The following KALRN variants were observed in gnomAD, a reference collection of about 807,000 sequenced individuals.
KALRN encodes the protein kalirin RhoGEF kinase.
In KALRN, 70 loss-of-function variants were observed where a neutral mutation model predicts 353.7. The observed-to-expected ratio is 0.20, with a 90% CI of 0.16 to 0.24. The LOEUF (loss-of-function observed/expected upper bound fraction) is 0.24, where lower values mean the gene tolerates loss of function less well. Among genes scored for constraint, KALRN ranks in the 10% least tolerant of loss-of-function variants. The probability of loss-of-function intolerance (pLI) is 1.00; values close to 1 mark genes in which losing one functional copy is unlikely to be tolerated. For missense variants in KALRN, 2,791 were observed against 3,756.7 expected (o/e 0.74, Z 6.72); for synonymous variants, 1,391 against 1,434.8 (o/e 0.97, Z 0.69).
chr3:124,584,871 T>A, intron 34 of KALRN: 1 of 1,607,114 alleles, frequency 6.2e-7, no homozygotes, highest in South Asian at 1.1e-5. Flanking sequence ...TTGGGGTGGC[T>A]CTTTGCTAAG....
chr3:124,361,879 G>A (rs1193300612), intron 10 of KALRN, among the ~76,000 whole-genome samples: 1 of 151,948 alleles, frequency 6.6e-6, no homozygotes, highest in African/African-American at 2.4e-5. Flanking sequence ...GCGGTGGTGG[G>A]GAGAGCTTCA....
chr3:124,165,503 C>T (rs2070692635), intron 1 of KALRN, among the ~76,000 whole-genome samples: 1 of 152,182 alleles, frequency 6.6e-6, no homozygotes, highest in Non-Finnish European at 1.5e-5. Context: ...TACCTATCCA[C>T]CTCCATAGCA....
chr3:124,374,633 A>G (rs2149825477), intron 10 of KALRN, among the ~76,000 whole-genome samples: 1 of 152,346 alleles, frequency 6.6e-6, no homozygotes, highest in South Asian at 2.1e-4. Context: ...GGAATGGAAC[A>G]GGAGAGAAAA....
At chr3:124,147,684 C>A (rs2067538005) in intron 1 of KALRN, among the ~76,000 whole-genome samples, 1 of 152,168 alleles carries the variant, frequency 6.6e-6, no homozygotes, top group Non-Finnish European at 1.5e-5. Flanking sequence ...ACTCATCCAT[C>A]CAGTTTTTCT....
intron 6 of KALRN, among the ~76,000 whole-genome samples, chr3:124,323,193 G>T (rs544781017): frequency 6.6e-6 from 1 of 152,174 alleles, no homozygotes; most frequent in Non-Finnish European, 1.5e-5. Context: ...AGGCTTAGAG[G>T]TTGAAGGGGA....
intron 25 of KALRN, among the ~76,000 whole-genome samples, chr3:124,463,770 G>A (rs1326603322): frequency 1.3e-5 from 2 of 152,146 alleles, no homozygotes; most frequent in Admixed American, 1.3e-4. Context: ...ATAAGGGGTG[G>A]AAAGTCACTC....
At chr3:124,617,834 G>A (rs1478549546) in intron 34 of KALRN, among the ~76,000 whole-genome samples, 3 of 152,154 alleles carry the variant, frequency 2.0e-5, no homozygotes, top group Admixed American at 1.3e-4. Context: ...CAGAGAACAG[G>A]CAAGGTGAGA....
At chr3:124,070,895 A>G (rs2059984600) in intron 1 of KALRN, among the ~76,000 whole-genome samples, 1 of 152,204 alleles carries the variant, frequency 6.6e-6, no homozygotes, top group South Asian at 2.1e-4. Context: ...ATTTCACTGA[A>G]TGACTGTTAA....
chr3:124,696,178 A>G lies in KALRN; in HGVS notation c.7622A>G (p.Gln2541Arg), dbSNP rs1578998887. 2 of 1,614,052 alleles carry G rather than the reference A, an allele frequency of 1.2e-6. No individual in the cohort carries two copies. Among genetic ancestry groups the G allele is most frequent in the East Asian group, 4.5e-5 (2 of 44,894 alleles). ...ITLKICNLMP[Q>R]DSGIYTCIAT... Reference sequence around the variant, plus strand: ...CTGAAGATCTGTAATCTGATGCCCCAAGACAGTGGGATTTATACCTGCATA... The same window carrying G: ...CTGAAGATCTGTAATCTGATGCCCCGAGACAGTGGGATTTATACCTGCATA... The change falls in exon 54 of 60, where the codon CAA (glutamine) becomes CGA (arginine). Residue 2541 changes from glutamine (Q) to arginine (R), a missense_variant. Gln to Arg is a conservative substitution (Grantham distance 43). Around this residue, in one of 11 missense-constraint regions of KALRN, gnomAD observed 1,065 missense variants for 1,156.4 expected, o/e 0.92. Coordinates refer to ENST00000682506, the MANE Select transcript of KALRN (RefSeq NM_001388419.1).
At chr3:124,704,803 G>A (rs143478468) in intron 57 of KALRN, among the ~76,000 whole-genome samples, 3,358 of 152,094 alleles carry the variant, frequency 0.022, 71 homozygotes, top group East Asian at 0.087. Flanking sequence ...ACCCACCTTG[G>A]CCTCCCAAAG....
intron 5 of KALRN, among the ~76,000 whole-genome samples, chr3:124,282,059 A>C (rs1442542196): frequency 6.6e-6 from 1 of 152,174 alleles, no homozygotes; most frequent in Non-Finnish European, 1.5e-5. Flanking sequence ...TACTAATCCA[A>C]GTGGGAACAG....
intron 33 of KALRN, among the ~76,000 whole-genome samples, chr3:124,541,964 A>G (rs2069086047): frequency 6.6e-6 from 1 of 152,114 alleles, no homozygotes; most frequent in African/African-American, 2.4e-5. Flanking sequence ...CCTGGGTGAC[A>G]GAGGGAGACG....
Position 124,512,465 on chromosome 3 carries a change from C to T in KALRN, c.4935+16052C>T, listed in dbSNP as rs542421836. Among the ~76,000 whole-genome samples, 6 of 152,230 alleles carry T rather than the reference C, an allele frequency of 3.9e-5. No individual in the cohort carries two copies. In the South Asian group the frequency reaches 6.2e-4, roughly 16 times the overall value. ...AGGAGTTTGAGACCAGCCTGGCCAA[C>T]GTGGTGAAACCCTGCCACTACTGAA... is the stretch of plus-strand genomic sequence containing the variant. On this transcript the variant is annotated intron_variant, in intron 33 of 59. Transcript: ENST00000682506.
intron 37 of KALRN, among the ~76,000 whole-genome samples, chr3:124,642,239 G>C (rs929081407): frequency 1.3e-5 from 2 of 152,082 alleles, no homozygotes; most frequent in African/African-American, 2.4e-5. Context: ...AGCCGAGATC[G>C]CGCCACTGCA....
At position 124,434,420 on chromosome 3, in the gene KALRN, A is replaced by G. The variant is rs201672683; in HGVS notation, c.2943A>G (p.Glu981=). Residue 981 remains glutamate (E), a synonymous_variant, in exon 17 of 60, where the codon GAA becomes GAG. Coordinates refer to ENST00000682506, the MANE Select transcript of KALRN (RefSeq NM_001388419.1). ...ACTACGATGCCGATGCCATCCGGGAATGTGCTGAGAAGGTGGCCCTCCACT... is the reference window on the plus strand; with the variant it reads ...ACTACGATGCCGATGCCATCCGGGAGTGTGCTGAGAAGGTGGCCCTCCACT... ...AGHYDADAIR[E]CAEKVALHWQ... 4 of 1,614,200 alleles carry G rather than the reference A, an allele frequency of 2.5e-6. No homozygotes were observed. The East Asian group carries it at 8.9e-5, about 36-fold the overall frequency.
intron 56 of KALRN, among the ~76,000 whole-genome samples, 198 bp downstream of exon 56, chr3:124,700,231 C>CA (rs2062256343): frequency 6.6e-6 from 1 of 152,240 alleles, no homozygotes; most frequent in East Asian, 1.9e-4. Flanking sequence ...CCTACCCCTG[C>CA]ACCTGCCAAG....
At chr3:124,521,481 CA>C (rs1274621785) in intron 33 of KALRN, among the ~76,000 whole-genome samples, 2 of 152,146 alleles carry the variant, frequency 1.3e-5, no homozygotes, top group Non-Finnish European at 2.9e-5. Context: ...GACTAGAACT[CA>C]GAACTCCTGA....
intron 1 of KALRN, among the ~76,000 whole-genome samples, chr3:124,209,235 T>A (rs1297702335): frequency 6.6e-6 from 1 of 151,984 alleles, no homozygotes; most frequent in Non-Finnish European, 1.5e-5. Context: ...CCAGGTGCAG[T>A]GGCTCACACC....
In KALRN at chr3:124,269,038, G is replaced by T; in HGVS notation, c.752G>T (p.Gly251Val). 1 of 1,612,968 alleles carries T rather than the reference G, an allele frequency of 6.2e-7. No individual in the cohort carries two copies. Among genetic ancestry groups the T allele is most frequent in the Non-Finnish European group, 8.5e-7 (1 of 1,179,698 alleles). ...CCTGTGGAGGAGCTGGACCGGGAGG[G>T]GCAGCGGCTGCTGCAGTGCATCCGC... is the stretch of plus-strand genomic sequence containing the variant. ...KAPVEELDRE[G>V]QRLLQCIRCS... is the part of the protein sequence containing the mutation. Residue 251 changes from glycine (G) to valine (V), a missense_variant, in exon 5 of 60, where the codon GGG (glycine) becomes GTG (valine). Physicochemically the swap from Gly to Val is moderately radical, Grantham distance 109. Around this residue, in one of 11 missense-constraint regions of KALRN, gnomAD observed 366 missense variants for 489.2 expected, o/e 0.75. Transcript: ENST00000682506.
Sources: gnomAD v4.1 joint callset for allele counts (sites outside exome capture counted in the v4.1 genomes callset) on GRCh38, gnomAD v4.1.1 for gene constraint, gnomAD v4.1.1 regional missense constraint, MANE v1.5 for transcripts, NCBI Gene and HGNC (gene_info 2026-07-23, HGNC 2026-07-21) for gene names.